ZBTB8B: variants seen among roughly 807,000 people sequenced by gnomAD.
ZBTB8B encodes zinc finger and BTB domain-containing protein 8B.
ZBTB8B carries 17 observed loss-of-function variants against 30.3 expected under a neutral mutation model. The observed-to-expected ratio is 0.56, with a 90% CI of 0.38 to 0.84. The LOEUF (loss-of-function observed/expected upper bound fraction) is 0.84. ZBTB8B is among the 40% of genes least tolerant of loss of function. ZBTB8B has a pLI of 0.00. For synonymous variants in ZBTB8B, 248 were observed against 255.6 expected (o/e 0.97, Z 0.28); for missense variants, 515 against 644.9 (o/e 0.80, Z 2.18).
chr1:32,470,265 C>T (rs1643605139), intron 1 of ZBTB8B, among the ~76,000 whole-genome samples: 1 of 151,906 alleles, frequency 6.6e-6, no homozygotes, highest in African/African-American at 2.4e-5. Flanking sequence ...CTTTGGGAGG[C>T]CGAGGCGGGC....
rs1014197035 is a variant in ZBTB8B at position 32,471,364 on chromosome 1, A to C, written c.740A>C (p.Gln247Pro). 1 of 1,551,824 alleles carries C rather than the reference A, an allele frequency of 6.4e-7. No individual in the cohort carries two copies. Among genetic ancestry groups the C allele is most frequent in the Non-Finnish European group, 8.7e-7 (1 of 1,147,014 alleles). Reference protein sequence around the residue: ...EVEVDVGEQLQQYAAPLNLAH... With the variant: ...EVEVDVGEQLPQYAAPLNLAH... ...GAGGTGGACGTTGGTGAACAGCTGC[A>C]GCAGTATGCTGCCCCGCTGAACCTG... The change falls in exon 2 of 4, where the codon CAG (glutamine) becomes CCG (proline). Residue 247 changes from glutamine to proline, a missense_variant. Coordinates refer to ENST00000609129, the MANE Select transcript of ZBTB8B (RefSeq NM_001145720.2).
chr1:32,471,755 A>G (rs1643623117), intron 2 of ZBTB8B, 140 bp downstream of exon 2: 1 of 952,854 alleles, frequency 1.0e-6, no homozygotes, highest in South Asian at 1.7e-5. Flanking sequence ...CACCAGTACC[A>G]TCATCATTAC....
chr1:32,476,065 G>A (rs556587403), intron 2 of ZBTB8B, among the ~76,000 whole-genome samples: 6 of 152,048 alleles, frequency 3.9e-5, no homozygotes, highest in Non-Finnish European at 7.4e-5. Flanking sequence ...TGATCCACCC[G>A]CCTCAGCCTC....
intron 1 of ZBTB8B, 42 bp from the exon 2 acceptor site, chr1:32,470,542 A>C: frequency 9.4e-7 from 1 of 1,066,754 alleles, no homozygotes; most frequent in Non-Finnish European, 1.3e-6. Flanking sequence ...CTTGTTTGTA[A>C]AGGTTGGGAT....
At position 32,470,847 on chromosome 1, in the gene ZBTB8B, G is replaced by A. The variant is rs1412831234; in HGVS notation, c.223G>A (p.Ala75Thr). The change falls in exon 2 of 4, where the codon GCC (alanine) becomes ACC (threonine). Residue 75 changes from alanine (A) to threonine (T), a missense_variant. Ala to Thr is a moderately conservative substitution (Grantham distance 58). Coordinates refer to ENST00000609129, the MANE Select transcript of ZBTB8B (RefSeq NM_001145720.2). The part of the protein sequence containing the change: ...TASLDIVTSD[A>T]FSIILDFLYS... ...CTCCTTGGACATTGTCACCTCTGAT[G>A]CCTTCTCCATCATCTTAGATTTCCT... 6.4e-7 allele frequency: 1 copy of A among 1,551,922 alleles called. No individual in the cohort carries two copies. Among genetic ancestry groups the A allele is most frequent in the Admixed American group, 2.0e-5 (1 of 51,010 alleles).
intron 1 of ZBTB8B, among the ~76,000 whole-genome samples, chr1:32,466,621 A>G (rs765071664): frequency 3.9e-5 from 6 of 152,218 alleles, no homozygotes; most frequent in Non-Finnish European, 5.9e-5. Context: ...TGAAGAAAAT[A>G]CTATACGGAT....
Position 32,489,261 on chromosome 1 carries a change from A to G in ZBTB8B, c.*3843A>G, listed in dbSNP as rs1016833233. 2 of 152,246 alleles carry G rather than the reference A, an allele frequency of 1.3e-5. No individual in the cohort carries two copies. Among genetic ancestry groups the G allele is most frequent in the African/African-American group, 4.8e-5 (2 of 41,466 alleles). The allele number at this position is 152,246 out of a possible 1,614,324, so 9.4% of individuals were successfully genotyped here. ...ATTCTGACTCATTCATACACCCAGAATCGTTACTAGGTTCTGATCATTTTG... is the reference window on the plus strand; with the variant it reads ...ATTCTGACTCATTCATACACCCAGAGTCGTTACTAGGTTCTGATCATTTTG... On this transcript the variant is annotated 3_prime_UTR_variant, in exon 4 of 4. Transcript: ENST00000609129.
rs372904415 is a variant in ZBTB8B at position 32,485,331 on chromosome 1, G to A, written c.1401G>A (p.Ser467=). Reference sequence around the variant, plus strand: ...ATGACTGGCCAATCTATGTGGAGTCGGGTGAGGAAAATGACCCTGCTGGAG... The same window carrying A: ...ATGACTGGCCAATCTATGTGGAGTCAGGTGAGGAAAATGACCCTGCTGGAG... The part of the protein sequence containing the change: ...TDNDWPIYVE[S]GEENDPAGDD... Residue 467 remains serine (S), a synonymous_variant, in exon 4 of 4, where the codon TCG becomes TCA. Coordinates refer to ENST00000609129, the MANE Select transcript of ZBTB8B (RefSeq NM_001145720.2). The A allele has an allele frequency of 3.9e-6, 6 of 1,552,100 alleles. No homozygotes were observed. Among genetic ancestry groups the A allele is most frequent in the African/African-American group, 1.4e-5 (1 of 73,014 alleles).
At chr1:32,469,855 C>G (rs1643602405) in intron 1 of ZBTB8B, among the ~76,000 whole-genome samples, 1 of 152,030 alleles carries the variant, frequency 6.6e-6, no homozygotes, top group Admixed American at 6.6e-5. Flanking sequence ...AGTTGGATAA[C>G]CTCTTATTTT....
Position 32,495,075 on chromosome 1 carries a change from TG to T in ZBTB8B, c.*9658del, listed in dbSNP as rs1410186264. On this transcript the variant is annotated 3_prime_UTR_variant, in exon 4 of 4. Transcript: ENST00000609129. ...CCTTCCAAAGTGCTGAGATTACAGG[TG>T]TGAGCCACCATGTCCGGCCTCTAAC... The T allele has an allele frequency of 2.2e-4, 34 of 152,282 alleles. No homozygotes were observed. Among genetic ancestry groups the T allele is most frequent in the African/African-American group, 7.9e-4 (33 of 41,542 alleles). The allele number at this position is 152,282 out of a possible 1,614,324, so 9.4% of individuals were successfully genotyped here. A position where few individuals can be genotyped will look rare whatever the true frequency, so the allele number is the denominator to read the frequency against.
intron 2 of ZBTB8B, among the ~76,000 whole-genome samples, chr1:32,474,077 C>T (rs924668044): frequency 2.6e-5 from 4 of 151,826 alleles, no homozygotes; most frequent in Non-Finnish European, 5.9e-5. Context: ...ACTCGAACTA[C>T]TGACCTCAGG....
rs746940571 is a variant in ZBTB8B at position 32,486,744 on chromosome 1, G to C, written c.*1326G>C. ...CTAGTCCTCAATTTGGTCCATGTCC[G>C]AGTCCGGCCTTTGGAGTTGAGTCCT... On this transcript the variant is annotated 3_prime_UTR_variant, in exon 4 of 4. Coordinates refer to ENST00000609129, the MANE Select transcript of ZBTB8B (RefSeq NM_001145720.2). 1 of 152,128 alleles carries C rather than the reference G, an allele frequency of 6.6e-6. No homozygotes were observed. The highest frequency in any genetic ancestry group is 1.5e-5 in the Non-Finnish European group (1 of 68,038). 9.4% of individuals were successfully genotyped at this position (152,128 alleles called of 1,614,324 possible). A position where few individuals can be genotyped will look rare whatever the true frequency, so the allele number is the denominator to read the frequency against.
intron 3 of ZBTB8B, among the ~76,000 whole-genome samples, chr1:32,482,649 AAC>A (rs1435812587): frequency 6.8e-6 from 1 of 146,736 alleles, no homozygotes; most frequent in Non-Finnish European, 1.5e-5. Context: ...CCAGCCTGGT[AAC>A]AGAGTGAGAC....
At position 32,484,923 on chromosome 1, in the gene ZBTB8B, C is replaced by T. The variant is rs537451443; in HGVS notation, c.1171-178C>T. 2.0e-3 allele frequency among the ~76,000 whole-genome samples: 309 copies of T among 152,288 alleles called. 2 individuals carry two copies. The highest frequency in any genetic ancestry group is 7.1e-3 in the African/African-American group (297 of 41,548). ...CTTTTCTTTATAAATTACCCAGTCTCAGGTATTTCTTTATAGCAGTGCAAG... is the reference window on the plus strand; with the variant it reads ...CTTTTCTTTATAAATTACCCAGTCTTAGGTATTTCTTTATAGCAGTGCAAG... On this transcript the variant is annotated intron_variant, in intron 3 of 3. Transcript: ENST00000609129. This position sits in a 1 kb window ranked among gnomAD's most constrained non-coding sequence, Gnocchi z 4.5.
intron 2 of ZBTB8B, among the ~76,000 whole-genome samples, chr1:32,472,672 G>A (rs1472403866): frequency 6.6e-6 from 1 of 152,158 alleles, no homozygotes; most frequent in African/African-American, 2.4e-5. Flanking sequence ...GGAGTGCAAC[G>A]GTGTGATCTC....
At chr1:32,469,041 T>G (rs2148179688) in intron 1 of ZBTB8B, among the ~76,000 whole-genome samples, 1 of 151,816 alleles carries the variant, frequency 6.6e-6, no homozygotes, top group South Asian at 2.1e-4. Flanking sequence ...AAAAAATTTT[T>G]TTTTAATTGG....
At chr1:32,477,830 G>A (rs1319992350) in intron 2 of ZBTB8B, among the ~76,000 whole-genome samples, 6 of 152,068 alleles carry the variant, frequency 3.9e-5, no homozygotes, top group African/African-American at 1.4e-4. Flanking sequence ...GCCCAGGTGG[G>A]TGGATCACCT....
At position 32,493,497 on chromosome 1, in the gene ZBTB8B, T is replaced by C. The variant is rs111931107; in HGVS notation, c.*8079T>C. 0.09 allele frequency: 13,514 copies of C among 150,366 alleles called. 887 individuals are homozygous for C. The highest frequency in any genetic ancestry group is 0.19 in the African/African-American group (7,961 of 41,126). The allele number at this position is 150,366 out of a possible 1,614,324, so 9.3% of individuals were successfully genotyped here. A position where few individuals can be genotyped will look rare whatever the true frequency, so the allele number is the denominator to read the frequency against. Reference sequence around the variant, plus strand: ...TTTTCTGGCCGGGAGCAGTGGCTCATGCCTGTAATCCCAGCACTTTGGGAG... The same window carrying C: ...TTTTCTGGCCGGGAGCAGTGGCTCACGCCTGTAATCCCAGCACTTTGGGAG... On this transcript the variant is annotated 3_prime_UTR_variant, in exon 4 of 4. Transcript: ENST00000609129.
In ZBTB8B at chr1:32,491,038, T is replaced by C. The variant is rs2148189173; in HGVS notation, c.*5620T>C. 1 of 152,262 alleles carries C rather than the reference T, an allele frequency of 6.6e-6. No homozygotes were observed. Among genetic ancestry groups the C allele is most frequent in the Middle Eastern group, 3.4e-3 (1 of 294 alleles). The allele number at this position is 152,262 out of a possible 1,614,324, so 9.4% of individuals were successfully genotyped here. A position where few individuals can be genotyped will look rare whatever the true frequency, so the allele number is the denominator to read the frequency against. ...ACTACTGCCAATTCTTCATTGACAA[T>C]TGTGGTTTTAGGGGGGGCAATTTTT... On this transcript the variant is annotated 3_prime_UTR_variant, in exon 4 of 4. Transcript: ENST00000609129.
Sources: allele counts gnomAD v4.1 joint callset (sites outside exome capture counted in the v4.1 genomes callset), GRCh38; gene constraint gnomAD v4.1.1; non-coding constraint Gnocchi (gnomAD v3.1); transcripts MANE v1.5; gene names NCBI Gene and HGNC (gene_info 2026-07-23, HGNC 2026-07-21).